The following DAB2IP variants were observed in gnomAD, a reference collection of about 807,000 sequenced individuals.
DAB2IP encodes the protein DAB2 interacting protein.
In DAB2IP, 28 loss-of-function variants were observed where a neutral mutation model predicts 107.2. The observed-to-expected ratio is 0.26, with a 90% CI of 0.19 to 0.36. DAB2IP has a LOEUF of 0.36. Among genes scored for constraint, DAB2IP ranks in the 10% least tolerant of loss-of-function variants. DAB2IP has a pLI of 1.00. For missense variants in DAB2IP, 1,400 were observed against 1,644.7 expected, an observed-to-expected ratio of 0.85 and a Z score of 2.57; for synonymous variants, 755 against 706.4, an observed-to-expected ratio of 1.07 and a Z score of -1.09.
exon 12 of DAB2IP, chr9:121,773,356 T>C: frequency 2.9e-6 from 4 of 1,369,290 alleles, no homozygotes; most frequent in Non-Finnish European, 3.8e-6. Context: ...CTGAGCACCC[T>C]GCAGTACCCA....
At chr9:121,623,345 A>T (rs1052486829) in intron 1 of DAB2IP, among the ~76,000 whole-genome samples, 1 of 152,204 alleles carries the variant, frequency 6.6e-6, no homozygotes, top group Non-Finnish European at 1.5e-5. Context: ...TTCAGGTTTA[A>T]GAGTTCAGTT....
intron 3 of DAB2IP, among the ~76,000 whole-genome samples, chr9:121,749,893 G>A (rs1425558688): frequency 6.6e-6 from 1 of 152,174 alleles, no homozygotes; most frequent in Non-Finnish European, 1.5e-5. Flanking sequence ...TGTCAAAAGT[G>A]TGACCTATCC....
In DAB2IP at chr9:121,651,814, GTCC is replaced by G. The variant is rs1484722274; in HGVS notation, c.44_46del (p.Ser15del). 3.4e-6 allele frequency: 5 copies of G among 1,465,970 alleles called. No individual in the cohort carries two copies. Among genetic ancestry groups the G allele is most frequent in the Non-Finnish European group, 4.5e-6 (5 of 1,106,618 alleles). 90.8% of individuals were successfully genotyped at this position (1,465,970 alleles called of 1,614,324 possible). A position where few individuals can be genotyped will look rare whatever the true frequency, so the allele number is the denominator to read the frequency against. On this transcript the variant is annotated inframe_deletion, in exon 1 of 16. Coordinates refer to ENST00000408936, the Ensembl canonical transcript of DAB2IP. This position sits in a 1 kb window ranked among gnomAD's most constrained non-coding sequence, Gnocchi z 5.1. Reference sequence around the variant, plus strand: ...GCAGCGCCAGGAAGAGCACCGGGAGGTCCTCCTACTACTACCGGCTGCTGAGGC... The same window carrying G: ...GCAGCGCCAGGAAGAGCACCGGGAGGTCCTACTACTACCGGCTGCTGAGGC...
Position 121,699,910 on chromosome 9 carries a change from C to G in DAB2IP, c.362+452C>G, listed in dbSNP as rs1219760315. 6.6e-6 allele frequency among the ~76,000 whole-genome samples: 1 copy of G among 152,182 alleles called. No homozygotes were observed. The highest frequency in any genetic ancestry group is 2.4e-5 in the African/African-American group (1 of 41,456). On this transcript the variant is annotated intron_variant, in intron 3 of 15. Coordinates refer to ENST00000408936, the Ensembl canonical transcript of DAB2IP. This position sits in a 1 kb window ranked among gnomAD's most constrained non-coding sequence, Gnocchi z 6.2. ...GGTTTGGCCGAGACCGGGCGCTGCC[C>G]GTGGTGAGGGGAAGGGTGAACATCT...
At chr9:121,671,185 A>T (rs898212980) in intron 1 of DAB2IP, among the ~76,000 whole-genome samples, 1 of 151,976 alleles carries the variant, frequency 6.6e-6, no homozygotes, top group Non-Finnish European at 1.5e-5. Flanking sequence ...AAAGAACAAA[A>T]ATTAGCCGGG....
At chr9:121,640,566 C>T (rs1564127431) in intron 1 of DAB2IP, among the ~76,000 whole-genome samples, 1 of 152,136 alleles carries the variant, frequency 6.6e-6, no homozygotes, top group Non-Finnish European at 1.5e-5. Flanking sequence ...CCTCCCCCCA[C>T]ACCATGTCCT....
intron 1 of DAB2IP, among the ~76,000 whole-genome samples, chr9:121,620,109 C>T (rs1219831241): frequency 4.6e-5 from 7 of 152,202 alleles, no homozygotes; most frequent in Non-Finnish European, 8.8e-5. Flanking sequence ...GAAGGCAGAA[C>T]AAGAACTAAA....
intron 3 of DAB2IP, among the ~76,000 whole-genome samples, chr9:121,724,735 C>T (rs941343084): frequency 2.0e-5 from 3 of 152,128 alleles, no homozygotes; most frequent in Non-Finnish European, 2.9e-5. Context: ...TTGACTAGCC[C>T]AATGTCATAC....
intron 3 of DAB2IP, among the ~76,000 whole-genome samples, chr9:121,745,901 G>T (rs890612792): frequency 6.6e-6 from 1 of 152,218 alleles, no homozygotes; most frequent in African/African-American, 2.4e-5. Context: ...TGACCACTGG[G>T]GCTGGAGTCT....
chr9:121,773,059 G>A (rs1347266207), exon 12 of DAB2IP: 7 of 1,612,396 alleles, frequency 4.3e-6, no homozygotes, highest in African/African-American at 2.7e-5. Context: ...CTGTCACCCC[G>A]TGGCCTTGGC....
intron 1 of DAB2IP, among the ~76,000 whole-genome samples, chr9:121,589,521 T>A (rs1370460757): frequency 6.6e-6 from 1 of 152,134 alleles, no homozygotes; most frequent in Non-Finnish European, 1.5e-5. Flanking sequence ...CCAAGGCTGG[T>A]AGCAGAGCCG....
exon 16 of DAB2IP, chr9:121,783,287 C>G (rs537969639): frequency 4.6e-5 from 64 of 1,389,314 alleles, no homozygotes; most frequent in Admixed American, 6.0e-5. Flanking sequence ...CCACACAGGC[C>G]CAGGCTGATG....
At chr9:121,630,534 T>A (rs200229967) in intron 1 of DAB2IP, among the ~76,000 whole-genome samples, 714 of 41,716 alleles carry the variant, frequency 0.017, 2 homozygotes, top group African/African-American at 0.16. Context: ...CATAAAAAAA[T>A]TTTTTTTTTT....
At chr9:121,780,350 C>T (rs78802263) in intron 14 of DAB2IP, among the ~76,000 whole-genome samples, 2,028 of 152,300 alleles carry the variant, frequency 0.013, 54 homozygotes, top group African/African-American at 0.046. Context: ...CCGCCACCAC[C>T]GCTCCTCCCA....
At chr9:121,724,355 C>T (rs1018367802) in intron 3 of DAB2IP, among the ~76,000 whole-genome samples, 8 of 151,900 alleles carry the variant, frequency 5.3e-5, no homozygotes, top group African/African-American at 1.9e-4. Flanking sequence ...TTCTTCTCTT[C>T]CTGGAACATT....
intron 3 of DAB2IP, among the ~76,000 whole-genome samples, chr9:121,709,414 G>T (rs1001877200): frequency 6.6e-6 from 1 of 152,174 alleles, no homozygotes; most frequent in Non-Finnish European, 1.5e-5. Flanking sequence ...GATGGGCCAG[G>T]CTCTGTGCCT....
In DAB2IP at chr9:121,782,846, C is replaced by A; in HGVS notation, c.*348C>A. The A allele has an allele frequency of 1.8e-6, 2 of 1,084,834 alleles. No individual in the cohort carries two copies. Among genetic ancestry groups the A allele is most frequent in the South Asian group, 3.4e-5 (1 of 29,488 alleles). The allele number at this position is 1,084,834 out of a possible 1,614,324, so 67.2% of individuals were successfully genotyped here. ...CTGGATCTGGCCGAGTGCATGTGTC[C>A]CCCCACACCTGTGCCAGGGAGGGGG... On this transcript the variant is annotated 3_prime_UTR_variant, in exon 16 of 16. Transcript: ENST00000408936. This position sits in a 1 kb window ranked among gnomAD's most constrained non-coding sequence, Gnocchi z 6.1.
In DAB2IP at chr9:121,699,452, A is replaced by G. The variant is rs755793460; in HGVS notation, c.356A>G (p.Asn119Ser). ...AGCGCCGCCGCCGCCGCCGCGGACA[A>G]TGAGAGGTGAGCCCGCCGCCGCCGC... The change falls in exon 3 of 16, where the codon AAT becomes AGT. Residue 119 changes from asparagine to serine, a missense_variant. Coordinates refer to ENST00000408936, the Ensembl canonical transcript of DAB2IP. This position sits in a 1 kb window ranked among gnomAD's most constrained non-coding sequence, Gnocchi z 6.2. 13 of 1,404,344 alleles carry G rather than the reference A, an allele frequency of 9.3e-6. No individual in the cohort carries two copies. In the East Asian group the frequency reaches 2.0e-4, roughly 22 times the overall value. The allele number at this position is 1,404,344 out of a possible 1,614,324, so 87.0% of individuals were successfully genotyped here. A position where few individuals can be genotyped will look rare whatever the true frequency, so the allele number is the denominator to read the frequency against.
chr9:121,703,538 A>G (rs1234536186), intron 3 of DAB2IP, among the ~76,000 whole-genome samples: 1 of 152,204 alleles, frequency 6.6e-6, no homozygotes, highest in African/African-American at 2.4e-5. Context: ...TTGCAGCCTC[A>G]GTTTGCTCAT....
Sources: gnomAD v4.1 joint callset for allele counts (sites outside exome capture counted in the v4.1 genomes callset) on GRCh38, gnomAD v4.1.1 for gene constraint, Gnocchi (gnomAD v3.1) non-coding constraint, MANE v1.5 for transcripts, NCBI Gene and HGNC (gene_info 2026-07-23, HGNC 2026-07-21) for gene names.